CCBE1: variants seen among roughly 807,000 people sequenced by gnomAD.
The protein encoded by CCBE1 is collagen and calcium binding EGF domains 1.
CCBE1 carries 37 observed loss-of-function variants against 50.0 expected under a neutral mutation model. The ratio of observed to expected loss-of-function variants is 0.74; its 90% CI spans 0.57 to 0.97. The LOEUF is 0.97. CCBE1 is among the 50% of genes least tolerant of loss of function. The pLI is 0.00. For synonymous variants in CCBE1, 234 were observed against 203.7 expected, an observed-to-expected ratio of 1.15 and a Z score of -1.27; for missense variants, 538 against 523.8, an observed-to-expected ratio of 1.03 and a Z score of -0.26.
At position 59,469,739 on chromosome 18, in the gene CCBE1, G is replaced by A. The variant is rs116547003; in HGVS notation, c.266-132C>T. ...TGAAGTGTGGACAGATATACTTGGAGGGACAGGAACTCTTTAGGGCTGTGG... is the reference window on the plus strand; with the variant it reads ...TGAAGTGTGGACAGATATACTTGGAAGGACAGGAACTCTTTAGGGCTGTGG... On this transcript the variant is annotated intron_variant, in intron 3 of 10. Coordinates refer to ENST00000439986, the MANE Select transcript of CCBE1 (RefSeq NM_133459.4). The A allele has an allele frequency of 1.5e-3, 1,801 of 1,211,518 alleles. 23 individuals carry two copies. The African/African-American group carries it at 0.024, about 16-fold the overall frequency. 75.0% of individuals were successfully genotyped at this position (1,211,518 alleles called of 1,614,324 possible). A position where few individuals can be genotyped will look rare whatever the true frequency, so the allele number is the denominator to read the frequency against.
rs1197595361 is a variant in CCBE1, at chr18:59,434,430, C to T, written c.*1478G>A. The T allele has an allele frequency of 6.6e-6, 1 of 152,140 alleles. No homozygotes were observed. The highest frequency in any genetic ancestry group is 2.4e-5 in the African/African-American group (1 of 41,432). The allele number at this position is 152,140 out of a possible 1,614,324, so 9.4% of individuals were successfully genotyped here. ...TGGACTGTGAGTAACCTATAAGCTG[C>T]TCATTGGAAACAAGAGGGCCCTCAA... is the stretch of plus-strand genomic sequence containing the variant. On this transcript the variant is annotated 3_prime_UTR_variant, in exon 11 of 11. Coordinates refer to ENST00000439986, the MANE Select transcript of CCBE1 (RefSeq NM_133459.4).
chr18:59,662,638 C>T (rs2054299848), intron 2 of CCBE1, among the ~76,000 whole-genome samples: 1 of 152,144 alleles, frequency 6.6e-6, no homozygotes, highest in Admixed American at 6.5e-5. Context: ...TGAAGGAGGC[C>T]ATAATCTAAC....
chr18:59,668,590 G>A (rs1205401979), intron 2 of CCBE1, among the ~76,000 whole-genome samples: 1 of 151,872 alleles, frequency 6.6e-6, no homozygotes, highest in African/African-American at 2.4e-5. Context: ...ACCCAAAATT[G>A]TACTCTTATC....
intron 2 of CCBE1, among the ~76,000 whole-genome samples, chr18:59,667,787 T>C (rs2054376357): frequency 6.6e-6 from 1 of 151,120 alleles, no homozygotes; most frequent in Admixed American, 6.6e-5. Context: ...GAATGGGGAG[T>C]GGGTGTAGAG....
intron 2 of CCBE1, among the ~76,000 whole-genome samples, chr18:59,693,450 G>C (rs948881935): frequency 7.9e-5 from 12 of 151,996 alleles, no homozygotes; most frequent in South Asian, 4.1e-4. Context: ...ACCAACTTGA[G>C]ACCAGTTGAC....
chr18:59,568,007 CT>C (rs2052855272), intron 2 of CCBE1, among the ~76,000 whole-genome samples: 1 of 151,980 alleles, frequency 6.6e-6, no homozygotes, highest in South Asian at 2.1e-4. Flanking sequence ...GGTAGCTATT[CT>C]TTTTCTATTT....
chr18:59,480,149 G>A (rs766525487), intron 3 of CCBE1, 37 bp downstream of exon 3: 7 of 1,294,110 alleles, frequency 5.4e-6, no homozygotes, highest in African/African-American at 1.5e-5. Flanking sequence ...GATTAGTTGT[G>A]AATAAAGTCA....
At chr18:59,630,707 G>A (rs2053839088) in intron 2 of CCBE1, among the ~76,000 whole-genome samples, 1 of 152,176 alleles carries the variant, frequency 6.6e-6, no homozygotes, top group Non-Finnish European at 1.5e-5. Flanking sequence ...GGTGGATCTA[G>A]GCTCTAAGAT....
intron 2 of CCBE1, among the ~76,000 whole-genome samples, chr18:59,647,567 G>A (rs572618467): frequency 2.2e-4 from 34 of 152,222 alleles, no homozygotes; most frequent in Non-Finnish European, 2.6e-4. Flanking sequence ...GCAGAAAACT[G>A]TGTTCATCTT....
At chr18:59,547,226 G>A (rs561722257) in intron 2 of CCBE1, among the ~76,000 whole-genome samples, 7 of 152,102 alleles carry the variant, frequency 4.6e-5, no homozygotes, top group African/African-American at 1.4e-4. Context: ...AGGCTAAGGC[G>A]GGCAGATCAC....
intron 2 of CCBE1, among the ~76,000 whole-genome samples, chr18:59,601,267 A>G (rs2053428822): frequency 6.6e-6 from 1 of 151,748 alleles, no homozygotes; most frequent in African/African-American, 2.4e-5. Flanking sequence ...CTCATCTTGA[A>G]TTGTAGCTCC....
chr18:59,573,239 T>C (rs1449515959), intron 2 of CCBE1, among the ~76,000 whole-genome samples: 2 of 144,944 alleles, frequency 1.4e-5, no homozygotes, highest in African/African-American at 5.1e-5. Context: ...GAGCCGGGAT[T>C]GTGCCAGTGC....
At chr18:59,655,082 T>C (rs549387955) in intron 2 of CCBE1, among the ~76,000 whole-genome samples, 28 of 62,666 alleles carry the variant, frequency 4.5e-4, no homozygotes, top group Non-Finnish European at 6.4e-4. Context: ...ACTGAGACTA[T>C]GTCAAAAAAA....
chr18:59,690,586 C>G (rs375739464), intron 2 of CCBE1, among the ~76,000 whole-genome samples: 4 of 152,294 alleles, frequency 2.6e-5, no homozygotes, highest in South Asian at 2.1e-4. Context: ...TGCACCCACC[C>G]CAGCTTCACT....
chr18:59,627,336 T>C (rs535722405), intron 2 of CCBE1, among the ~76,000 whole-genome samples: 24 of 152,350 alleles, frequency 1.6e-4, no homozygotes, highest in Admixed American at 5.2e-4. Context: ...TATGAATTAC[T>C]AAAACGATTT....
rs578097372 is a variant in CCBE1 at position 59,449,571 on chromosome 18, G to A, written c.655-1468C>T. Among the ~76,000 whole-genome samples the A allele has an allele frequency of 1.5e-4, 22 of 147,282 alleles. No homozygotes were observed. The South Asian group carries it at 2.8e-3, about 19-fold the overall frequency. ...CAGGAAGTGGAGGTTGCAGTGAGCC[G>A]AGATCGCACCACTGCACTCCACTCC... is the stretch of plus-strand genomic sequence containing the variant. On this transcript the variant is annotated intron_variant, in intron 6 of 10. Coordinates refer to ENST00000439986, the MANE Select transcript of CCBE1 (RefSeq NM_133459.4).
chr18:59,581,568 C>T (rs186727674), intron 2 of CCBE1, among the ~76,000 whole-genome samples: 2 of 152,304 alleles, frequency 1.3e-5, no homozygotes, highest in Admixed American at 1.3e-4. Flanking sequence ...TTCTCATCTT[C>T]CAATGCTTAG....
intron 6 of CCBE1, 89 bp downstream of exon 6, chr18:59,454,762 A>G (rs1911100952): frequency 1.1e-5 from 12 of 1,131,142 alleles, no homozygotes; most frequent in Middle Eastern, 4.7e-4. Flanking sequence ...CAATGTGGAT[A>G]TTTTCTTATT....
At chr18:59,572,821 G>C (rs1456105640) in intron 2 of CCBE1, among the ~76,000 whole-genome samples, 1 of 152,180 alleles carries the variant, frequency 6.6e-6, no homozygotes, top group African/African-American at 2.4e-5. Flanking sequence ...AGACATTAAA[G>C]AGTATACGTG....
Sources: gnomAD v4.1 joint callset for allele counts (sites outside exome capture counted in the v4.1 genomes callset) on GRCh38, gnomAD v4.1.1 for gene constraint, MANE v1.5 for transcripts, NCBI Gene and HGNC (gene_info 2026-07-23, HGNC 2026-07-21) for gene names.